SERINC5: variants seen among roughly 807,000 people sequenced by gnomAD.
SERINC5 encodes chromosome 5 open reading frame 12.
SERINC5 carries 41 observed loss-of-function variants against 63.1 expected under a neutral mutation model. The ratio of observed to expected loss-of-function variants is 0.65; its 90% confidence interval spans 0.51 to 0.84. SERINC5 has a LOEUF of 0.84. Among genes scored for constraint, SERINC5 ranks in the 40% least tolerant of loss-of-function variants. The probability of loss-of-function intolerance (pLI) is 0.00; values close to 1 mark genes in which losing one functional copy is unlikely to be tolerated. For synonymous variants in SERINC5, 222 were observed against 215.2 expected (o/e 1.03, Z -0.28); for missense variants, 523 against 573.0 (o/e 0.91, Z 0.89).
intron 1 of SERINC5, among the ~76,000 whole-genome samples, chr5:80,243,207 A>T (rs1193653741): frequency 6.6e-6 from 1 of 152,134 alleles, no homozygotes; most frequent in Non-Finnish European, 1.5e-5. Context: ...TTTTTTAAAC[A>T]TACCTAATTC....
At chr5:80,173,984 A>G (rs568279909) in intron 5 of SERINC5, among the ~76,000 whole-genome samples, 1 of 152,272 alleles carries the variant, frequency 6.6e-6, no homozygotes, top group East Asian at 1.9e-4. Context: ...GGAAAAAAAA[A>G]GAACACACCA....
In SERINC5 at chr5:80,141,443, C is replaced by T. The variant is rs1745497962; in HGVS notation, c.*2220G>A. On this transcript the variant is annotated 3_prime_UTR_variant, in exon 12 of 12. Transcript: ENST00000507668. ...GGAATACAAGGCCTTGTCAGCTGGACCTTGACTGCGCGTAAGGTCAGTTTC... is the reference window on the plus strand; with the variant it reads ...GGAATACAAGGCCTTGTCAGCTGGATCTTGACTGCGCGTAAGGTCAGTTTC... 1 of 985,396 alleles carries T rather than the reference C, an allele frequency of 1.0e-6. No individual in the cohort carries two copies. Among genetic ancestry groups the T allele is most frequent in the Non-Finnish European group, 1.2e-6 (1 of 829,992 alleles). 61.0% of individuals were successfully genotyped at this position (985,396 alleles called of 1,614,324 possible). A position where few individuals can be genotyped will look rare whatever the true frequency, so the allele number is the denominator to read the frequency against.
At chr5:80,132,358 T>C (rs981477643) in intron 11 of SERINC5, among the ~76,000 whole-genome samples, 1 of 152,190 alleles carries the variant, frequency 6.6e-6, no homozygotes, top group Non-Finnish European at 1.5e-5. Flanking sequence ...CTGATGACTA[T>C]TCCAAGAAGC....
Position 80,150,887 on chromosome 5 carries a change from A to C in SERINC5, c.1048T>G (p.Leu350Val). ...GGAAAAGGAAATGAACTTACCTCCAATTCAGGAGCTGCGTATCGCCCCTGC... is the reference window on the plus strand; with the variant it reads ...GGAAAAGGAAATGAACTTACCTCCACTTCAGGAGCTGCGTATCGCCCCTGC... ...ALQGRYAAPELEIARCCFCFS... is the reference protein window; with the variant it reads ...ALQGRYAAPEVEIARCCFCFS... The change falls in exon 9 of 12, where the codon TTG becomes GTG. Residue 350 changes from leucine (L) to valine (V), a missense_variant. By Grantham distance (32) the Leu-to-Val change is conservative. Transcript: ENST00000507668. 1 of 1,609,952 alleles carries C rather than the reference A, an allele frequency of 6.2e-7. No individual in the cohort carries two copies. Among genetic ancestry groups the C allele is most frequent in the Non-Finnish European group, 8.5e-7 (1 of 1,176,134 alleles).
In SERINC5 at chr5:80,191,487, A is replaced by AG. The variant is rs1297320690; in HGVS notation, c.195+11398_195+11399insC. Among the ~76,000 whole-genome samples, 6 of 102,024 alleles carry AG rather than the reference A, an allele frequency of 5.9e-5. No homozygotes were observed. The East Asian group carries it at 3.0e-3, about 51-fold the overall frequency. 66.9% of individuals were successfully genotyped at this position (102,024 alleles called of 152,430 possible). A position where few individuals can be genotyped will look rare whatever the true frequency, so the allele number is the denominator to read the frequency against. ...GGGAGACTCCATCTCTACAAAAAAA[A>AG]AAAAAAAAGAAAAAAAAAAAAGAAA... On this transcript the variant is annotated intron_variant, in intron 2 of 11. Coordinates refer to ENST00000507668, the MANE Select transcript of SERINC5 (RefSeq NM_001174072.3).
At chr5:80,235,294 T>G (rs1751634269) in intron 1 of SERINC5, among the ~76,000 whole-genome samples, 1 of 152,252 alleles carries the variant, frequency 6.6e-6, no homozygotes, top group Non-Finnish European at 1.5e-5. Context: ...CTGTATAATA[T>G]TCCATTGTTA....
rs541606642 is a variant in SERINC5 at position 80,221,725 on chromosome 5, T to C, written c.28-18672A>G. ...CCTATTTAATTTGCTACCCACCATATAGGATATGTTTTGTTGTCTGTAAAA... is the reference window on the plus strand; with the variant it reads ...CCTATTTAATTTGCTACCCACCATACAGGATATGTTTTGTTGTCTGTAAAA... On this transcript the variant is annotated intron_variant, in intron 1 of 11. Coordinates refer to ENST00000507668, the MANE Select transcript of SERINC5 (RefSeq NM_001174072.3). Among the ~76,000 whole-genome samples, 16 of 150,762 alleles carry C rather than the reference T, an allele frequency of 1.1e-4. No homozygotes were observed. The South Asian group carries it at 1.7e-3, about 16-fold the overall frequency.
chr5:80,187,669 G>C (rs1416818312), intron 2 of SERINC5, among the ~76,000 whole-genome samples: 1 of 152,084 alleles, frequency 6.6e-6, no homozygotes, highest in East Asian at 1.9e-4. Context: ...TGGGTTATCT[G>C]AGCATTTTTA....
intron 1 of SERINC5, among the ~76,000 whole-genome samples, chr5:80,242,538 T>C (rs545803685): frequency 1.3e-5 from 2 of 152,132 alleles, no homozygotes; most frequent in East Asian, 3.9e-4. Context: ...GATCACGAGG[T>C]CAAGAGTTTG....
At chr5:80,242,860 T>C (rs1315309225) in intron 1 of SERINC5, among the ~76,000 whole-genome samples, 3 of 152,188 alleles carry the variant, frequency 2.0e-5, no homozygotes, top group African/African-American at 7.2e-5. Flanking sequence ...GAGACAGTGG[T>C]TGCAGTGAGC....
intron 1 of SERINC5, among the ~76,000 whole-genome samples, chr5:80,213,615 CTG>C (rs1750533918): frequency 6.6e-6 from 1 of 152,170 alleles, no homozygotes; most frequent in Admixed American, 6.5e-5. Flanking sequence ...TTCCCTGCCC[CTG>C]TGTGTACAGT....
At chr5:80,159,438 T>G (rs1746749298) in intron 7 of SERINC5, among the ~76,000 whole-genome samples, 1 of 151,288 alleles carries the variant, frequency 6.6e-6, no homozygotes, top group South Asian at 2.1e-4. Context: ...TGAGGTGTGT[T>G]TTTTTTTTAA....
intron 1 of SERINC5, among the ~76,000 whole-genome samples, chr5:80,232,316 A>G (rs1212316535): frequency 2.6e-5 from 4 of 151,866 alleles, no homozygotes; most frequent in Non-Finnish European, 4.4e-5. Context: ...AGGCAGGAGA[A>G]TGGCAAGAAC....
At chr5:80,136,443 G>A (rs1745182283), downstream of SERINC5, among the ~76,000 whole-genome samples, 1 of 152,178 alleles carries the variant, frequency 6.6e-6, no homozygotes, top group Non-Finnish European at 1.5e-5. Context: ...ATGGGAGAAG[G>A]AATGTCTTTT....
At chr5:80,151,630 C>G (rs1746186378) in intron 8 of SERINC5, among the ~76,000 whole-genome samples, 1 of 152,200 alleles carries the variant, frequency 6.6e-6, no homozygotes, top group African/African-American at 2.4e-5. Flanking sequence ...GCCTGAGCAA[C>G]ATAGCAAGAC....
At chr5:80,160,956 A>ATC (rs1561380405) in intron 7 of SERINC5, among the ~76,000 whole-genome samples, 12 of 125,696 alleles carry the variant, frequency 9.5e-5, no homozygotes, top group African/African-American at 3.4e-4. Flanking sequence ...GTATATATAT[A>ATC]TGTGTGTGTA....
At chr5:80,246,613 C>T (rs1752180871) in intron 1 of SERINC5, among the ~76,000 whole-genome samples, 1 of 152,162 alleles carries the variant, frequency 6.6e-6, no homozygotes, top group Non-Finnish European at 1.5e-5. Flanking sequence ...AGCTGCTTTC[C>T]TTAAACATCA....
chr5:80,145,428 A>C (rs1745755632), intron 11 of SERINC5, among the ~76,000 whole-genome samples: 1 of 137,340 alleles, frequency 7.3e-6, no homozygotes, highest in African/African-American at 2.7e-5. Context: ...GTGTGGGGGA[A>C]GTAGAGGCGG....
chr5:80,193,933 G>A (rs1038959381), intron 2 of SERINC5, among the ~76,000 whole-genome samples: 12 of 152,142 alleles, frequency 7.9e-5, no homozygotes, highest in African/African-American at 2.9e-4. Flanking sequence ...GGAACTCAGA[G>A]GATTTAAGAG....
Sources: allele counts gnomAD v4.1 joint callset (sites outside exome capture counted in the v4.1 genomes callset), GRCh38; gene constraint gnomAD v4.1.1; transcripts MANE v1.5; gene names NCBI Gene and HGNC (gene_info 2026-07-23, HGNC 2026-07-21).